The following DLGAP2 variants were observed in gnomAD, a reference collection of about 807,000 sequenced individuals.
DLGAP2 encodes disks large-associated protein 2.
In DLGAP2, 26 loss-of-function variants were observed where a neutral mutation model predicts 100.3. That is an observed-to-expected ratio of 0.26 (90% CI 0.19 to 0.36). DLGAP2 has a LOEUF of 0.36. Among genes scored for constraint, DLGAP2 ranks in the 10% least tolerant of loss-of-function variants. DLGAP2 has a pLI of 1.00. For missense variants in DLGAP2, 1,858 were observed against 1,453.2 expected (o/e 1.28, Z -4.53); for synonymous variants, 886 against 630.1 (o/e 1.41, Z -6.08).
rs186115092 is a variant in DLGAP2, at chr8:813,977, A to G, written c.18+76152A>G. Among the ~76,000 whole-genome samples, 18 of 152,326 alleles carry G rather than the reference A, an allele frequency of 1.2e-4. No individual in the cohort carries two copies. In the East Asian group the frequency reaches 3.3e-3, roughly 28 times the overall value. ...GACATCTAAAGGGAATCATCCCCTTAAAGGAGAAAACATACTGAATTTTAA... is the reference window on the plus strand; with the variant it reads ...GACATCTAAAGGGAATCATCCCCTTGAAGGAGAAAACATACTGAATTTTAA... On this transcript the variant is annotated intron_variant, in intron 1 of 14. Transcript: ENST00000637795.
chr8:961,064 T>G (rs539342658), intron 2 of DLGAP2, among the ~76,000 whole-genome samples: 63 of 152,356 alleles, frequency 4.1e-4, no homozygotes, highest in Non-Finnish European at 1.3e-4. Flanking sequence ...CAGTGGTGGC[T>G]CTCTCATGTT....
intron 2 of DLGAP2, among the ~76,000 whole-genome samples, chr8:1,232,330 C>G (rs1046337148): frequency 1.3e-5 from 2 of 152,220 alleles, no homozygotes; most frequent in African/African-American, 2.4e-5. Flanking sequence ...TCCTCTGGCC[C>G]CACAGGCTGT....
chr8:1,679,387 A>C (rs975113232), intron 12 of DLGAP2, among the ~76,000 whole-genome samples: 1 of 101,850 alleles, frequency 9.8e-6, no homozygotes, highest in South Asian at 4.6e-4. Context: ...TACGGGAGTC[A>C]CCACCAAAGG....
rs549493173 is a variant in DLGAP2, at chr8:1,344,770, A to C, written c.106+85887A>C. Among the ~76,000 whole-genome samples, 6 of 152,292 alleles carry C rather than the reference A, an allele frequency of 3.9e-5. No homozygotes were observed. The South Asian group carries it at 1.2e-3, about 32-fold the overall frequency. On this transcript the variant is annotated intron_variant, in intron 3 of 14. Coordinates refer to ENST00000637795, the MANE Select transcript of DLGAP2 (RefSeq NM_001346810.2). The stretch of plus-strand genomic sequence containing the variant: ...TTTTCTGCACTCCTCCTTGGGGATC[A>C]CTGGTAACTGAGGCATCTGTGCAGG...
chr8:1,483,383 G>A (rs943849900), intron 3 of DLGAP2, among the ~76,000 whole-genome samples: 17 of 152,184 alleles, frequency 1.1e-4, no homozygotes, highest in South Asian at 4.1e-4. Flanking sequence ...CAGGCGCCAC[G>A]TGGAGATGAG....
At chr8:863,290 G>T (rs1035998119) in intron 1 of DLGAP2, among the ~76,000 whole-genome samples, 8 of 152,298 alleles carry the variant, frequency 5.3e-5, no homozygotes, top group Middle Eastern at 3.4e-3. Flanking sequence ...CAATGACATG[G>T]ATTTCCTTGT....
chr8:1,126,289 A>G (rs1255573967), intron 2 of DLGAP2, among the ~76,000 whole-genome samples: 1 of 152,212 alleles, frequency 6.6e-6, no homozygotes, highest in Admixed American at 6.5e-5. Flanking sequence ...CTTCCTCCAT[A>G]TATAAAAATA....
intron 3 of DLGAP2, among the ~76,000 whole-genome samples, chr8:1,316,838 G>A (rs1387611624): frequency 1.4e-5 from 2 of 144,698 alleles, no homozygotes; most frequent in Admixed American, 6.8e-5. Context: ...CTGTGCGAGT[G>A]CAGCGTCTCT....
At chr8:1,660,051 G>A (rs1220757042) in intron 8 of DLGAP2, among the ~76,000 whole-genome samples, 8 of 152,094 alleles carry the variant, frequency 5.3e-5, no homozygotes, top group African/African-American at 1.9e-4. Context: ...GTGACAAAAA[G>A]CTCTCAGCAT....
chr8:1,254,530 C>CGATCATT (rs1240117948), intron 2 of DLGAP2, among the ~76,000 whole-genome samples: 1 of 152,112 alleles, frequency 6.6e-6, no homozygotes, highest in Non-Finnish European at 1.5e-5. Flanking sequence ...CCGTGGGGCG[C>CGATCATT]GATCATTGGC....
intron 1 of DLGAP2, among the ~76,000 whole-genome samples, chr8:883,537 A>C (rs1797854564): frequency 6.7e-6 from 1 of 150,362 alleles, no homozygotes; most frequent in African/African-American, 2.4e-5. Context: ...AACCCAGGAT[A>C]CATGTACAGA....
chr8:1,302,329 C>G (rs865816226), intron 3 of DLGAP2: 2 of 108,860 alleles, frequency 1.8e-5, no homozygotes, highest in Non-Finnish European at 3.5e-5. Context: ...GAGCTCTGCT[C>G]CACACCTGGG....
chr8:1,271,983 G>C (rs1167616240), intron 3 of DLGAP2, among the ~76,000 whole-genome samples: 2 of 151,880 alleles, frequency 1.3e-5, no homozygotes, highest in African/African-American at 2.4e-5. Flanking sequence ...GCTAGTTTTT[G>C]GATTTTTTTT....
At chr8:1,284,863 A>G (rs1251030948) in intron 3 of DLGAP2, among the ~76,000 whole-genome samples, 2 of 152,108 alleles carry the variant, frequency 1.3e-5, no homozygotes, top group East Asian at 3.9e-4. Flanking sequence ...AAGTGCTGGG[A>G]TTACAGGCAT....
intron 3 of DLGAP2, among the ~76,000 whole-genome samples, chr8:1,368,487 T>C (rs752891979): frequency 1.3e-5 from 2 of 152,090 alleles, no homozygotes; most frequent in Non-Finnish European, 2.9e-5. Context: ...CTCTGAAAAA[T>C]GTAGAAATAC....
chr8:1,281,832 A>G (rs1799819620), intron 3 of DLGAP2, among the ~76,000 whole-genome samples: 1 of 152,118 alleles, frequency 6.6e-6, no homozygotes, highest in Non-Finnish European at 1.5e-5. Flanking sequence ...GCAACGTTTG[A>G]TTTGCGACGT....
chr8:964,881 CG>C (rs908867950), intron 2 of DLGAP2, among the ~76,000 whole-genome samples: 3 of 152,206 alleles, frequency 2.0e-5, no homozygotes, highest in African/African-American at 7.2e-5. Context: ...GGCCATGCTC[CG>C]GGGGGTACTG....
chr8:1,256,035 G>A (rs1165267748), intron 2 of DLGAP2, among the ~76,000 whole-genome samples: 1 of 128,962 alleles, frequency 7.8e-6, no homozygotes, highest in African/African-American at 3.1e-5. Context: ...TCCTGCCCGG[G>A]TGCTGTGTGT....
chr8:1,470,451 C>A (rs549324888), intron 3 of DLGAP2, among the ~76,000 whole-genome samples: 6 of 152,188 alleles, frequency 3.9e-5, no homozygotes, highest in Admixed American at 3.9e-4. Context: ...TTAATATCAT[C>A]CCTGCTGAAA....
Sources: gnomAD v4.1 joint callset for allele counts (sites outside exome capture counted in the v4.1 genomes callset) on GRCh38, gnomAD v4.1.1 for gene constraint, MANE v1.5 for transcripts, NCBI Gene and HGNC (gene_info 2026-07-23, HGNC 2026-07-21) for gene names.